ZFHX3: variants seen among roughly 807,000 people sequenced by gnomAD.
ZFHX3 encodes the protein zinc finger homeobox protein 3.
In ZFHX3, 42 loss-of-function variants were observed where a neutral mutation model predicts 279.1. The observed-to-expected ratio is 0.15, with a 90% CI of 0.12 to 0.19. The LOEUF (loss-of-function observed/expected upper bound fraction) is 0.19. ZFHX3 is among the 10% of genes least tolerant of loss of function. ZFHX3 has a pLI of 1.00. For synonymous variants in ZFHX3, 2,293 were observed against 1,957.8 expected, an observed-to-expected ratio of 1.17 and a Z score of -4.52; for missense variants, 4,981 against 4,754.0, an observed-to-expected ratio of 1.05 and a Z score of -1.40.
chr16:73,135,365 A>G (rs958242124), intron 6 of ZFHX3, among the ~76,000 whole-genome samples: 10 of 152,242 alleles, frequency 6.6e-5, no homozygotes, highest in African/African-American at 2.4e-4. Flanking sequence ...ATGTTATTTT[A>G]GGTTCCAGGA....
In ZFHX3 at chr16:73,817,535, CAG is replaced by C. The variant is rs764226582; in HGVS notation, c.-1608+74114_-1608+74115del. Among the ~76,000 whole-genome samples the C allele has an allele frequency of 1.6e-4, 25 of 152,262 alleles. No homozygotes were observed. In the East Asian group the frequency reaches 1.7e-3, roughly 11 times the overall value. ...GCGAGTCTTAAAATCGCGGTTCTGA[CAG>C]AGAGATTGGGAAGTTCAAGTCAATT... On this transcript the variant is annotated intron_variant, in intron 1 of 17. Coordinates refer to the ZFHX3 transcript ENST00000641206.
chr16:72,786,970 A>T lies in ZFHX3; in HGVS notation c.*194T>A. The T allele has an allele frequency of 9.4e-6, 4 of 426,346 alleles. No individual in the cohort carries two copies. Among genetic ancestry groups the T allele is most frequent in the Non-Finnish European group, 1.5e-5 (4 of 275,342 alleles). 26.4% of individuals were successfully genotyped at this position (426,346 alleles called of 1,614,324 possible). On this transcript the variant is annotated 3_prime_UTR_variant, in exon 10 of 10. Coordinates refer to ENST00000268489, the MANE Select transcript of ZFHX3 (RefSeq NM_006885.4). ...TTTTTAATATTAAAAGAAAAGAAAAAGACAAGAATGTAAAATCACCGGCAT... is the reference window on the plus strand; with the variant it reads ...TTTTTAATATTAAAAGAAAAGAAAATGACAAGAATGTAAAATCACCGGCAT...
chr16:73,559,319 A>C (rs993376847), intron 2 of ZFHX3, among the ~76,000 whole-genome samples: 4 of 152,016 alleles, frequency 2.6e-5, no homozygotes, highest in African/African-American at 9.7e-5. Context: ...AAGTTTTGGG[A>C]TTACGATCAT....
intron 5 of ZFHX3, among the ~76,000 whole-genome samples, chr16:73,199,050 G>A (rs1159129019): frequency 3.9e-5 from 6 of 152,190 alleles, no homozygotes; most frequent in Admixed American, 3.9e-4. Flanking sequence ...TGACTATTAG[G>A]CTGAGACCAG....
At chr16:73,252,794 C>CA (rs2013549603) in intron 5 of ZFHX3, among the ~76,000 whole-genome samples, 2 of 152,082 alleles carry the variant, frequency 1.3e-5, no homozygotes, top group South Asian at 4.1e-4. Context: ...ATAAAGGAGC[C>CA]AATGTTCATA....
intron 1 of ZFHX3, chr16:73,812,616 C>T (rs932977401): frequency 3.3e-5 from 5 of 152,328 alleles, no homozygotes; most frequent in African/African-American, 9.6e-5. Context: ...GCCTGCCCCT[C>T]TGATGGAATT....
At chr16:72,994,472 G>C (rs79753652) in intron 1 of ZFHX3, among the ~76,000 whole-genome samples, 47 of 152,314 alleles carry the variant, frequency 3.1e-4, no homozygotes, top group African/African-American at 1.1e-3. Context: ...TCCATATTGA[G>C]TACCAATGGG....
intron 9 of ZFHX3, chr16:72,791,741 T>C (rs1567511317): frequency 6.6e-6 from 1 of 152,272 alleles, no homozygotes; most frequent in African/African-American, 2.4e-5. Context: ...TCCTGGCTTA[T>C]GTCTAGCTGG....
In ZFHX3 at chr16:72,950,442, CCTGAGCCATAAGGAG is replaced by C. The variant is rs1395519865; in HGVS notation, c.3216+12_3216+26del. ...CAACCCCCTCCTTTCAGAAAGAGCG[CCTGAGCCATAAGGAG>C]CTGGGCCTTACCTTGTACAACTTCA... On this transcript the variant is annotated intron_variant, in intron 3 of 9. Coordinates refer to ENST00000268489, the MANE Select transcript of ZFHX3 (RefSeq NM_006885.4). 3 of 1,602,346 alleles carry C rather than the reference CCTGAGCCATAAGGAG, an allele frequency of 1.9e-6. No homozygotes were observed. The highest frequency in any genetic ancestry group is 2.7e-5 in the African/African-American group (2 of 74,670).
intron 1 of ZFHX3, among the ~76,000 whole-genome samples, chr16:73,692,461 T>A (rs971840131): frequency 1.3e-5 from 2 of 152,186 alleles, no homozygotes; most frequent in Admixed American, 6.5e-5. Context: ...AACTATGGCA[T>A]TCCTAGAGAG....
At chr16:73,649,636 G>C (rs2052652446) in intron 2 of ZFHX3, among the ~76,000 whole-genome samples, 1 of 152,122 alleles carries the variant, frequency 6.6e-6, no homozygotes, top group Non-Finnish European at 1.5e-5. Context: ...GACTTACAGA[G>C]AGTTTGGGTC....
At position 72,796,954 on chromosome 16, in the gene ZFHX3, G is replaced by A. The variant is rs1268644450; in HGVS notation, c.5728C>T (p.Pro1910Ser). Residue 1910 changes from proline (P) to serine (S), a missense_variant, in exon 9 of 10, where the codon CCA becomes TCA. By Grantham distance (74) the Pro-to-Ser change is moderately conservative. Coordinates refer to ENST00000268489, the MANE Select transcript of ZFHX3 (RefSeq NM_006885.4). ...TTCTCTTTGGCCTTCAAGGCATCTG[G>A]CAGTGTTTCCTTCGGACCGGTGTTG... ...EGNTGPKETL[P>S]DALKAKEKKE... The A allele has an allele frequency of 1.9e-6, 3 of 1,613,974 alleles. No individual in the cohort carries two copies. Among genetic ancestry groups the A allele is most frequent in the Non-Finnish European group, 2.5e-6 (3 of 1,180,000 alleles).
chr16:73,114,186 A>G (rs995375590), intron 7 of ZFHX3, among the ~76,000 whole-genome samples: 4 of 151,392 alleles, frequency 2.6e-5, no homozygotes, highest in African/African-American at 9.7e-5. Context: ...CAACCTCCCA[A>G]AGTGTTGGGA....
chr16:73,309,394 G>A (rs1025963449), intron 4 of ZFHX3, among the ~76,000 whole-genome samples: 1 of 152,140 alleles, frequency 6.6e-6, no homozygotes, highest in Admixed American at 6.5e-5. Context: ...TGATGTTCCT[G>A]CAAAGGCCAT....
At chr16:72,882,982 GTGTGTGTGTGTGTGTGTGTGT>G (rs1567563258) in intron 4 of ZFHX3, among the ~76,000 whole-genome samples, 200 of 20,816 alleles carry the variant, frequency 9.6e-3, no homozygotes, top group African/African-American at 0.019. Context: ...TCTGGGGTGT[GTGTGTGTGTGTGTGTGTGTGT>G]GTGTGTGTGT....
intron 7 of ZFHX3, among the ~76,000 whole-genome samples, chr16:72,802,800 G>C (rs901808598): frequency 2.6e-5 from 4 of 152,086 alleles, no homozygotes; most frequent in Non-Finnish European, 5.9e-5. Flanking sequence ...AGCTTCCAAA[G>C]CTTTTTACTC....
chr16:73,148,119 C>T (rs1391200396), intron 5 of ZFHX3, among the ~76,000 whole-genome samples: 2 of 152,174 alleles, frequency 1.3e-5, no homozygotes, highest in African/African-American at 2.4e-5. Flanking sequence ...CGCAGCCACA[C>T]TCATTCATTT....
chr16:73,540,964 A>G (rs1362906636), intron 2 of ZFHX3, among the ~76,000 whole-genome samples: 1 of 152,094 alleles, frequency 6.6e-6, no homozygotes, highest in Non-Finnish European at 1.5e-5. Context: ...CTTTTAGAAT[A>G]GATGGTAGGG....
At chr16:73,573,006 G>A (rs980547515) in intron 2 of ZFHX3, among the ~76,000 whole-genome samples, 2 of 152,100 alleles carry the variant, frequency 1.3e-5, no homozygotes, top group African/African-American at 4.8e-5. Flanking sequence ...AACAGCTTTC[G>A]AAGCTGGATT....
Sources: gnomAD v4.1 joint callset for allele counts (sites outside exome capture counted in the v4.1 genomes callset) on GRCh38, gnomAD v4.1.1 for gene constraint, MANE v1.5 for transcripts, NCBI Gene and HGNC (gene_info 2026-07-23, HGNC 2026-07-21) for gene names.